Variants in RBFOX2 observed in about 807,000 individuals in gnomAD.
RBFOX2 encodes the protein RNA binding fox-1 homolog 2, also known as RNA binding protein fox-1 homolog 2.
A neutral mutation model predicts 49.1 loss-of-function variants in RBFOX2; 10 were observed. The observed-to-expected ratio is 0.20, with a 90% confidence interval of 0.13 to 0.35. The LOEUF (loss-of-function observed/expected upper bound fraction) is 0.35, where lower values mean the gene tolerates loss of function less well. Among genes scored for constraint, RBFOX2 ranks in the 10% least tolerant of loss-of-function variants. The pLI is 1.00. For synonymous variants in RBFOX2, 183 were observed against 187.4 expected, an observed-to-expected ratio of 0.98 and a Z score of 0.19; for missense variants, 323 against 486.9, an observed-to-expected ratio of 0.66 and a Z score of 3.17.
At chr22:35,777,944 T>C (rs1489833671) in intron 4 of RBFOX2, 81 bp downstream of exon 5, 3 of 1,369,276 alleles carry the variant, frequency 2.2e-6, no homozygotes, top group Non-Finnish European at 3.1e-6. Context: ...AAACAGCTTA[T>C]GTTTTCTGAA....
chr22:35,745,732 C>T (rs1194493155), intron 11 of RBFOX2, among the ~76,000 whole-genome samples, 191 bp downstream of exon 13: 1 of 152,180 alleles, frequency 6.6e-6, no homozygotes, highest in African/African-American at 2.4e-5. Context: ...CTTAACTAGG[C>T]CATGTGGCTC....
At chr22:35,917,815 C>A (rs1210414631) in intron 1 of RBFOX2, among the ~76,000 whole-genome samples, 1 of 152,162 alleles carries the variant, frequency 6.6e-6, no homozygotes, top group African/African-American at 2.4e-5. Flanking sequence ...ACCTTAAAGC[C>A]TGCACTGCTG....
At chr22:35,755,536 C>G (rs1436097409) in intron 9 of RBFOX2, among the ~76,000 whole-genome samples, 1 of 152,182 alleles carries the variant, frequency 6.6e-6, no homozygotes, top group East Asian at 1.9e-4. Context: ...CTCATTACTA[C>G]ACACTCTTTG....
chr22:36,020,333 C>T (rs1355992002), intron 1 of RBFOX2, among the ~76,000 whole-genome samples: 1 of 152,152 alleles, frequency 6.6e-6, no homozygotes, highest in Non-Finnish European at 1.5e-5. Context: ...AGGACATAGG[C>T]ATGGGCAAGG....
At chr22:35,904,072 A>G (rs779790018) in intron 1 of RBFOX2, among the ~76,000 whole-genome samples, 6 of 152,222 alleles carry the variant, frequency 3.9e-5, no homozygotes, top group Admixed American at 2.6e-4. Context: ...TTTTGTGTCA[A>G]TTCCTCTCCC....
intron 10 of RBFOX2, 26 bp from the exon 13 acceptor site, chr22:35,746,021 A>ACTTTTCTTTATCTGTCTGATT: frequency 6.3e-7 from 1 of 1,585,134 alleles, no homozygotes; most frequent in Non-Finnish European, 8.7e-7. Context: ...ACAATCAGAC[A>ACTTTTCTTTATCTGTCTGATT]GATAAAGAAA....
chr22:36,028,176 G>A (rs900798765), intron 1 of RBFOX2, 64 bp downstream of exon 1: 1 of 1,386,644 alleles, frequency 7.2e-7, no homozygotes. Flanking sequence ...CCAAGCCGGG[G>A]AGCCCGGTGT....
intron 1 of RBFOX2, among the ~76,000 whole-genome samples, chr22:35,947,959 G>A (rs544950384): frequency 2.2e-4 from 34 of 152,206 alleles, no homozygotes; most frequent in East Asian, 1.2e-3. Flanking sequence ...AGTAATGCCC[G>A]AAGCCTTCAC....
chr22:35,784,230 A>G (rs1945865475), intron 2 of RBFOX2, among the ~76,000 whole-genome samples: 1 of 152,238 alleles, frequency 6.6e-6, no homozygotes, highest in Non-Finnish European at 1.5e-5. Context: ...CAAAGCAGTT[A>G]GGGAGAGCTT....
intron 1 of RBFOX2, among the ~76,000 whole-genome samples, chr22:35,817,138 C>T (rs1953273142): frequency 1.3e-5 from 2 of 152,008 alleles, no homozygotes; most frequent in South Asian, 4.1e-4. Context: ...AGGACATGTC[C>T]TGAAGCATCT....
chr22:35,939,628 G>A (rs918952795), upstream of RBFOX2, among the ~76,000 whole-genome samples: 3 of 151,804 alleles, frequency 2.0e-5, no homozygotes, highest in Non-Finnish European at 4.4e-5. Context: ...TTTTTTAAAG[G>A]TATATCATGT....
chr22:35,858,701 CTGTAA>C (rs928534436), intron 1 of RBFOX2, among the ~76,000 whole-genome samples: 4 of 151,770 alleles, frequency 2.6e-5, no homozygotes, highest in African/African-American at 9.7e-5. Flanking sequence ...TGGTGGGCAC[CTGTAA>C]TCCTGGCTAC....
At chr22:35,816,346 G>A (rs1953052118) in intron 1 of RBFOX2, among the ~76,000 whole-genome samples, 1 of 152,026 alleles carries the variant, frequency 6.6e-6, no homozygotes, top group African/African-American at 2.4e-5. Flanking sequence ...ATAACCTAGA[G>A]GAGAGCTGTA....
intron 1 of RBFOX2, among the ~76,000 whole-genome samples, chr22:35,893,367 G>A (rs1320152665): frequency 6.6e-6 from 1 of 152,146 alleles, no homozygotes; most frequent in African/African-American, 2.4e-5. Flanking sequence ...AAGCACAAAG[G>A]AAATAACTAA....
chr22:35,830,592 CCTAGGCTA>C (rs1305277528), intron 1 of RBFOX2, among the ~76,000 whole-genome samples: 1 of 152,180 alleles, frequency 6.6e-6, no homozygotes, highest in Non-Finnish European at 1.5e-5. Flanking sequence ...GCCTATTGCT[CCTAGGCTA>C]CAAACTTGTA....
chr22:35,872,341 C>T (rs1209028945), intron 1 of RBFOX2, among the ~76,000 whole-genome samples: 1 of 152,130 alleles, frequency 6.6e-6, no homozygotes, highest in African/African-American at 2.4e-5. Context: ...CCCCAGTGGG[C>T]ATGTGTTATA....
chr22:35,744,448 T>C (rs1283644851), intron 11 of RBFOX2, among the ~76,000 whole-genome samples, 199 bp from the exon 14 acceptor site: 1 of 152,210 alleles, frequency 6.6e-6, no homozygotes, highest in Non-Finnish European at 1.5e-5. Flanking sequence ...AACACATTTA[T>C]TGCTGACCTG....
At chr22:35,762,232 C>T in intron 6 of RBFOX2, among the ~76,000 whole-genome samples, 1 of 152,156 alleles carries the variant, frequency 6.6e-6, no homozygotes, top group South Asian at 2.1e-4. Context: ...TTAATGTCAA[C>T]TTTATTTCTT....
At chr22:35,837,648 T>C (rs1326454058) in intron 1 of RBFOX2, among the ~76,000 whole-genome samples, 1 of 152,158 alleles carries the variant, frequency 6.6e-6, no homozygotes, top group South Asian at 2.1e-4. Flanking sequence ...ACAGAAAGTA[T>C]ATACAACAAA....
Sources: allele counts gnomAD v4.1 joint callset (sites outside exome capture counted in the v4.1 genomes callset), GRCh38; gene constraint gnomAD v4.1.1; transcripts MANE v1.5; gene names NCBI Gene and HGNC (gene_info 2026-07-23, HGNC 2026-07-21).